Variants in RAB37 observed in about 807,000 individuals in gnomAD.
RAB37 encodes the protein RAB37, member RAS oncogene family.
In RAB37, 29 loss-of-function variants were observed where a neutral mutation model predicts 33.1. The observed-to-expected ratio is 0.88, with a 90% CI of 0.65 to 1.20. The LOEUF (loss-of-function observed/expected upper bound fraction) is 1.20, where lower values mean the gene tolerates loss of function less well. Among genes scored for constraint, RAB37 ranks in the 50% most tolerant of loss-of-function variants. The pLI is 0.00. For synonymous variants in RAB37, 128 were observed against 119.5 expected, an observed-to-expected ratio of 1.07 and a Z score of -0.47; for missense variants, 299 against 301.1, an observed-to-expected ratio of 0.99 and a Z score of 0.05.
At chr17:74,734,659 C>A (rs2034439227), upstream of RAB37, among the ~76,000 whole-genome samples, 1 of 152,060 alleles carries the variant, frequency 6.6e-6, no homozygotes, top group Non-Finnish European at 1.5e-5. Context: ...GCCTGGCCAA[C>A]ATGGTGAAAC....
At chr17:74,723,537 T>A (rs2034268056) in intron 1 of RAB37, among the ~76,000 whole-genome samples, 1 of 152,004 alleles carries the variant, frequency 6.6e-6, no homozygotes, top group Non-Finnish European at 1.5e-5. Flanking sequence ...GGTGGCAAAG[T>A]TGACCCAGAG....
rs186678336 is a variant in RAB37, at chr17:74,723,874, G to A, written c.73-5382G>A. 5.3e-5 allele frequency among the ~76,000 whole-genome samples: 8 copies of A among 152,026 alleles called. 1 individual carries two copies. Among genetic ancestry groups the A allele is most frequent in the Admixed American group, 4.6e-4 (7 of 15,246 alleles). Reference sequence around the variant, plus strand: ...CAGGCATGAGCCACCGCACCCGGCCGTAACATTTTCATAAATGCGAAGAGA... The same window carrying A: ...CAGGCATGAGCCACCGCACCCGGCCATAACATTTTCATAAATGCGAAGAGA... On this transcript the variant is annotated intron_variant, in intron 1 of 7. Coordinates refer to the RAB37 transcript ENST00000340415.
chr17:74,734,514 C>G (rs1343285714), upstream of RAB37, among the ~76,000 whole-genome samples: 1 of 152,156 alleles, frequency 6.6e-6, no homozygotes, highest in Non-Finnish European at 1.5e-5. Context: ...TGTCCCCTCT[C>G]TCATTCTTCC....
intron 1 of RAB37, among the ~76,000 whole-genome samples, chr17:74,720,433 A>C (rs1213523011): frequency 7.2e-5 from 11 of 151,778 alleles, no homozygotes; most frequent in Admixed American, 7.2e-4. Context: ...GAAAAAAAAA[A>C]CCCAAAATTT....
At chr17:74,705,524 T>A (rs977863878) in intron 1 of RAB37, 3 of 458,188 alleles carry the variant, frequency 6.5e-6, no homozygotes, top group African/African-American at 2.0e-5. Context: ...CTGATTACTA[T>A]CACCTTGTAG....
chr17:74,679,375 G>A (rs980350145), intron 1 of RAB37, among the ~76,000 whole-genome samples: 4 of 152,062 alleles, frequency 2.6e-5, no homozygotes, highest in African/African-American at 9.7e-5. Flanking sequence ...AGCCCCTGGA[G>A]TCTCCCTCCT....
chr17:74,715,653 G>C (rs2034155993), intron 1 of RAB37, among the ~76,000 whole-genome samples: 2 of 152,200 alleles, frequency 1.3e-5, no homozygotes, highest in African/African-American at 4.8e-5. Context: ...CTGTCTGTTA[G>C]AACTGCCTGT....
In RAB37 at chr17:74,671,508, C is replaced by T; in HGVS notation, c.-79C>T. 7.2e-7 allele frequency: 1 copy of T among 1,385,036 alleles called. No homozygotes were observed. Among genetic ancestry groups the T allele is most frequent in the Non-Finnish European group, 1.0e-6 (1 of 978,572 alleles). 85.8% of individuals were successfully genotyped at this position (1,385,036 alleles called of 1,614,324 possible). ...AGCTCAGACCCAAGCCTGCCGCACCCAGCGGAGCTCGAACCGAGCTCCTGG... is the reference window on the plus strand; with the variant it reads ...AGCTCAGACCCAAGCCTGCCGCACCTAGCGGAGCTCGAACCGAGCTCCTGG... On this transcript the variant is annotated 5_prime_UTR_variant, in exon 1 of 8. Coordinates refer to the RAB37 transcript ENST00000340415. This position sits in a 1 kb window ranked among gnomAD's most constrained non-coding sequence, Gnocchi z 5.0.
intron 1 of RAB37, among the ~76,000 whole-genome samples, chr17:74,702,750 C>T (rs868397795): frequency 6.6e-6 from 1 of 152,144 alleles, no homozygotes; most frequent in South Asian, 2.1e-4. Context: ...GTCCCCAGAG[C>T]TCAGCACGGT....
At chr17:74,677,316 G>A (rs2031855717) in intron 1 of RAB37, 1 of 152,092 alleles carries the variant, frequency 6.6e-6, no homozygotes, top group African/African-American at 2.4e-5. Flanking sequence ...AATTGTACAA[G>A]AGAAAGACAA....
At chr17:74,704,283 A>T in intron 1 of RAB37, 1 of 591,942 alleles carries the variant, frequency 1.7e-6, no homozygotes, top group Non-Finnish European at 3.0e-6. Flanking sequence ...CCCGTCGTGG[A>T]GGGAGCCCTG....
rs544110971 is a variant in RAB37, at chr17:74,741,582, T to A, written c.205-672T>A. Among the ~76,000 whole-genome samples, 317 of 61,778 alleles carry A rather than the reference T, an allele frequency of 5.1e-3. 2 individuals carry two copies. Among genetic ancestry groups the A allele is most frequent in the African/African-American group, 0.022 (287 of 12,800 alleles). 40.5% of individuals were successfully genotyped at this position (61,778 alleles called of 152,430 possible). ...GCCTGGGCAACAAAGTGAGACTGCG[T>A]CTCAGAAAAAAAAAAAAAAAAGAGC... is the stretch of plus-strand genomic sequence containing the variant. On this transcript the variant is annotated intron_variant, in intron 2 of 8. Transcript: ENST00000392613.
upstream of RAB37, chr17:74,736,916 C>A: frequency 3.3e-6 from 5 of 1,494,844 alleles, no homozygotes; most frequent in Non-Finnish European, 4.4e-6. Flanking sequence ...CGGTGCGCAG[C>A]GACTACGGGA....
chr17:74,684,424 G>A (rs1469791296), intron 1 of RAB37, among the ~76,000 whole-genome samples: 1 of 151,644 alleles, frequency 6.6e-6, no homozygotes, highest in Non-Finnish European at 1.5e-5. Flanking sequence ...ATATTTAATT[G>A]CAAAATTTGA....
intron 1 of RAB37, among the ~76,000 whole-genome samples, chr17:74,706,689 CA>C (rs1464251727): frequency 2.0e-5 from 3 of 152,054 alleles, no homozygotes; most frequent in African/African-American, 7.2e-5. Context: ...CAAAACAAAA[CA>C]AAAACCAGCA....
intron 1 of RAB37, among the ~76,000 whole-genome samples, chr17:74,697,364 G>A (rs2032593626): frequency 6.6e-6 from 1 of 152,124 alleles, no homozygotes; most frequent in Non-Finnish European, 1.5e-5. Context: ...AAAGAAATGG[G>A]GGGTTTTCCC....
In RAB37 at chr17:74,671,486, T is replaced by C. The variant is rs2031703796; in HGVS notation, c.-101T>C. The C allele has an allele frequency of 3.5e-6, 4 of 1,145,340 alleles. No homozygotes were observed. The highest frequency in any genetic ancestry group is 5.2e-6 in the Non-Finnish European group (4 of 774,212). The allele number at this position is 1,145,340 out of a possible 1,614,324, so 70.9% of individuals were successfully genotyped here. On this transcript the variant is annotated 5_prime_UTR_variant, in exon 1 of 8. Transcript: ENST00000340415. The surrounding 1 kb of genome is among the most constrained non-coding windows in gnomAD (Gnocchi z 5.0). ...ACGGATGCGGCCCGGCCCGCAGAGCTCAGACCCAAGCCTGCCGCACCCAGC... is the reference window on the plus strand; with the variant it reads ...ACGGATGCGGCCCGGCCCGCAGAGCCCAGACCCAAGCCTGCCGCACCCAGC...
chr17:74,696,328 C>T, intron 1 of RAB37: 2 of 1,166,326 alleles, frequency 1.7e-6, no homozygotes, highest in Non-Finnish European at 2.4e-6. Context: ...TGGGTCCAGG[C>T]TCAGAGACAG....
chr17:74,691,184 T>C lies in RAB37; in HGVS notation c.72+19526T>C. ...CCACCACACCCAGCTAATTAATTAA[T>C]TATTGTAGGTCTCCCTGTGTTGCCC... On this transcript the variant is annotated intron_variant, in intron 1 of 7. Coordinates refer to the RAB37 transcript ENST00000340415. Among the ~76,000 whole-genome samples, 2 of 152,172 alleles carry C rather than the reference T, an allele frequency of 1.3e-5. 1 individual carries two copies. Among genetic ancestry groups the C allele is most frequent in the Non-Finnish European group, 2.9e-5 (2 of 68,012 alleles).
Sources: gnomAD v4.1 joint callset for allele counts (sites outside exome capture counted in the v4.1 genomes callset) on GRCh38, gnomAD v4.1.1 for gene constraint, Gnocchi (gnomAD v3.1) non-coding constraint, MANE v1.5 for transcripts, NCBI Gene and HGNC (gene_info 2026-07-23, HGNC 2026-07-21) for gene names.